DNMT1: variants seen among roughly 807,000 people sequenced by gnomAD.
DNMT1 encodes DNA (cytosine-5)-methyltransferase 1.
In DNMT1, 24 loss-of-function variants were observed where a neutral mutation model predicts 205.3. The observed-to-expected ratio is 0.12, with a 90% CI of 0.08 to 0.16. The LOEUF (loss-of-function observed/expected upper bound fraction) is 0.16, where lower values mean the gene tolerates loss of function less well. DNMT1 is among the 10% of genes least tolerant of loss of function. The pLI is 1.00. For missense variants in DNMT1, 1,293 were observed against 2,177.7 expected, an observed-to-expected ratio of 0.59 and a Z score of 8.09; for synonymous variants, 817 against 839.8, an observed-to-expected ratio of 0.97 and a Z score of 0.47.
chr19:10,137,033 C>A lies in DNMT1; in HGVS notation c.4489+52G>T, dbSNP rs2089497045. 6.3e-7 allele frequency: 1 copy of A among 1,582,090 alleles called. No individual in the cohort carries two copies. The highest frequency in any genetic ancestry group is 8.6e-7 in the Non-Finnish European group (1 of 1,164,024). On this transcript the variant is annotated intron_variant, in intron 37 of 40. Coordinates refer to ENST00000359526, the MANE Select transcript of DNMT1 (RefSeq NM_001130823.3). This position sits in a 1 kb window ranked among gnomAD's most constrained non-coding sequence, Gnocchi z 6.4. ...AGGTTCACAGGCCAAAGGCCCAGGG[C>A]TCTGCCTTCCTTCCCCTCAGCCCAC...
At chr19:10,158,824 G>C (rs2038509336) in intron 17 of DNMT1, among the ~76,000 whole-genome samples, 1 of 152,198 alleles carries the variant, frequency 6.6e-6, no homozygotes, top group Non-Finnish European at 1.5e-5. Context: ...CCGAGCCCTG[G>C]TAATGGTGTC....
chr19:10,150,551 CA>C (rs760486314), intron 24 of DNMT1, among the ~76,000 whole-genome samples: 23 of 152,378 alleles, frequency 1.5e-4, no homozygotes, highest in Non-Finnish European at 2.5e-4. Context: ...TGTCCTCCTG[CA>C]GGGGCTCAGC....
Position 10,138,938 on chromosome 19 carries a change from C to T in DNMT1, c.3949-333G>A, listed in dbSNP as rs1164688489. Among the ~76,000 whole-genome samples the T allele has an allele frequency of 6.6e-6, 1 of 152,202 alleles. No individual in the cohort carries two copies. Among genetic ancestry groups the T allele is most frequent in the South Asian group, 2.1e-4 (1 of 4,832 alleles). Reference sequence around the variant, plus strand: ...TGGAGACCAGGAGCCCTGTCGCTTCCCTGATGGCTGTGGTCACAAGGACAG... The same window carrying T: ...TGGAGACCAGGAGCCCTGTCGCTTCTCTGATGGCTGTGGTCACAAGGACAG... On this transcript the variant is annotated intron_variant, in intron 34 of 40. Transcript: ENST00000359526. The surrounding 1 kb of genome is among the most constrained non-coding windows in gnomAD (Gnocchi z 4.1).
intron 19 of DNMT1, 123 bp downstream of exon 19, chr19:10,155,730 C>T: frequency 9.8e-7 from 1 of 1,019,088 alleles, no homozygotes; most frequent in Non-Finnish European, 1.5e-6. Flanking sequence ...GCTAAGGTTC[C>T]CAGTCACATG....
At chr19:10,192,215 G>A (rs1004973706) in intron 1 of DNMT1, among the ~76,000 whole-genome samples, 3 of 151,334 alleles carry the variant, frequency 2.0e-5, no homozygotes, top group Non-Finnish European at 4.4e-5. Flanking sequence ...GAGCTCAGGG[G>A]TTCAAGGCTG....
chr19:10,169,449 G>T (rs12979227), intron 9 of DNMT1, among the ~76,000 whole-genome samples: 2 of 149,946 alleles, frequency 1.3e-5, no homozygotes, highest in East Asian at 4.0e-4. Flanking sequence ...CCCAGCTACT[G>T]GGGAGGTGGA....
intron 13 of DNMT1, 42 bp from the exon 14 acceptor site, chr19:10,160,460 G>T: frequency 6.2e-7 from 1 of 1,606,914 alleles, no homozygotes; most frequent in Non-Finnish European, 8.5e-7. Flanking sequence ...CTAAGAGAGT[G>T]TTTTACACCC....
chr19:10,138,141 G>A lies in DNMT1; in HGVS notation c.4116-132C>T. The A allele has an allele frequency of 8.2e-7, 1 of 1,215,862 alleles. No homozygotes were observed. The highest frequency in any genetic ancestry group is 1.3e-5 in the South Asian group (1 of 75,848). The allele number at this position is 1,215,862 out of a possible 1,614,324, so 75.3% of individuals were successfully genotyped here. On this transcript the variant is annotated intron_variant, in intron 35 of 40. Coordinates refer to ENST00000359526, the MANE Select transcript of DNMT1 (RefSeq NM_001130823.3). The surrounding 1 kb of genome is among the most constrained non-coding windows in gnomAD (Gnocchi z 4.1). ...AGCACTGCCCGAGGTCACATGGGTG[G>A]CAGTGTGCCTGGATGCCATCTGGAA...
At chr19:10,141,314 C>T (rs1464452965) in intron 30 of DNMT1, 125 bp from the exon 31 acceptor site, 7 of 905,700 alleles carry the variant, frequency 7.7e-6, no homozygotes, top group Non-Finnish European at 1.3e-5. Context: ...GACCAATTAG[C>T]CACCAATAAG....
chr19:10,158,379 A>T (rs575811921), intron 17 of DNMT1, among the ~76,000 whole-genome samples: 4 of 152,324 alleles, frequency 2.6e-5, no homozygotes, highest in African/African-American at 9.6e-5. Flanking sequence ...CCATCAGCCA[A>T]GCACGGGGAA....
rs368356372 is a variant in DNMT1 at position 10,140,011 on chromosome 19, C to T, written c.3806+35G>A. The T allele has an allele frequency of 2.0e-5, 32 of 1,603,078 alleles. No homozygotes were observed. In the Admixed American group the frequency reaches 2.5e-4, roughly 13 times the overall value. On this transcript the variant is annotated intron_variant, in intron 33 of 40. Coordinates refer to ENST00000359526, the MANE Select transcript of DNMT1 (RefSeq NM_001130823.3). This position sits in a 1 kb window ranked among gnomAD's most constrained non-coding sequence, Gnocchi z 8.4. ...GCTGACATGCGGCACAGCCCCGGGC[C>T]GTCTGGCAACACTGGGGGGCTTCTA...
intron 39 of DNMT1, chr19:10,135,441 CGAG>C (rs2089458516): frequency 2.1e-6 from 1 of 465,794 alleles, no homozygotes; most frequent in African/African-American, 2.0e-5. Context: ...GAACCTACAG[CGAG>C]TGAGCTGTCG....
chr19:10,139,555 CCT>C, intron 34 of DNMT1, 119 bp downstream of exon 34: 2 of 1,497,240 alleles, frequency 1.3e-6, no homozygotes, highest in Non-Finnish European at 1.8e-6. Flanking sequence ...ACCATGCCAG[CCT>C]CTGCTGCCTG....
intron 1 of DNMT1, among the ~76,000 whole-genome samples, chr19:10,187,391 C>T (rs2039208969): frequency 6.6e-6 from 1 of 151,930 alleles, no homozygotes; most frequent in East Asian, 1.9e-4. Context: ...TCACTTGAGC[C>T]CAGGAATTCG....
intron 1 of DNMT1, chr19:10,184,523 T>C (rs1198983078): frequency 6.6e-6 from 1 of 152,012 alleles, no homozygotes. Context: ...AAAAGAACAA[T>C]AGCCGGTGCA....
intron 1 of DNMT1, among the ~76,000 whole-genome samples, chr19:10,183,125 A>ATATACGTGTGTCTATATATATAT (rs767124770): frequency 8.5e-6 from 1 of 117,482 alleles, no homozygotes. Flanking sequence ...ATATATATAT[A>ATATACGTGTGTCTATATATATAT]TTTTTTTTTT....
At chr19:10,134,369 G>A in intron 39 of DNMT1, 62 bp from the exon 40 acceptor site, 1 of 1,496,922 alleles carries the variant, frequency 6.7e-7, no homozygotes, top group Non-Finnish European at 9.3e-7. Context: ...CCGGGGGCAG[G>A]TGTACTGCCA....
At chr19:10,139,520 CCT>C (rs1408915981) in intron 34 of DNMT1, among the ~76,000 whole-genome samples, 154 bp downstream of exon 34, 1 of 152,258 alleles carries the variant, frequency 6.6e-6, no homozygotes, top group Non-Finnish European at 1.5e-5. Flanking sequence ...ACGCATCTCC[CCT>C]GACTCCGCCA....
intron 26 of DNMT1, 54 bp from the exon 27 acceptor site, chr19:10,149,071 C>T (rs1401382553): frequency 1.9e-6 from 3 of 1,608,366 alleles, no homozygotes; most frequent in Non-Finnish European, 2.5e-6. Flanking sequence ...TGCCTGTATT[C>T]CCAGCACTAT....
Sources: allele counts gnomAD v4.1 joint callset (sites outside exome capture counted in the v4.1 genomes callset), GRCh38; gene constraint gnomAD v4.1.1; non-coding constraint Gnocchi (gnomAD v3.1); transcripts MANE v1.5; gene names NCBI Gene and HGNC (gene_info 2026-07-23, HGNC 2026-07-21).